The following MCCC2 variants were observed in gnomAD, a reference collection of about 807,000 sequenced individuals.
MCCC2 encodes methylcrotonyl-CoA carboxylase subunit 2.
Under a neutral mutation model 77.2 loss-of-function variants are expected in MCCC2, and 52 were observed. That is an observed-to-expected ratio of 0.67 (90% confidence interval 0.54 to 0.85). MCCC2 has a LOEUF of 0.85. Among genes scored for constraint, MCCC2 ranks in the 40% least tolerant of loss-of-function variants. The pLI is 0.00. For missense variants in MCCC2, 682 were observed against 703.2 expected (o/e 0.97, Z 0.34); for synonymous variants, 253 against 248.4 (o/e 1.02, Z -0.18).
Position 71,593,055 on chromosome 5 carries a change from C to G in MCCC2, c.196+63C>G, listed in dbSNP as rs1030649727. 3.8e-6 allele frequency: 5 copies of G among 1,325,026 alleles called. No homozygotes were observed. In the African/African-American group the frequency reaches 7.3e-5, roughly 19 times the overall value. 82.1% of individuals were successfully genotyped at this position (1,325,026 alleles called of 1,614,324 possible). On this transcript the variant is annotated intron_variant, in intron 2 of 16. Transcript: ENST00000340941. ...TTAAGATGTCCTAAAATAGTTATTG[C>G]TTTTAGGAAAAATACTGGAATTAAG...
intron 6 of MCCC2, among the ~76,000 whole-genome samples, chr5:71,624,953 C>G (rs1746489585): frequency 1.3e-5 from 2 of 152,102 alleles, no homozygotes; most frequent in Middle Eastern, 6.3e-3. Flanking sequence ...CCCCACCTCC[C>G]AAAGTGCTGG....
chr5:71,607,379 A>G (rs1485151308), intron 6 of MCCC2, among the ~76,000 whole-genome samples: 5 of 151,336 alleles, frequency 3.3e-5, no homozygotes, highest in African/African-American at 1.2e-4. Flanking sequence ...TGTTTGTAGT[A>G]TTCTCTGATG....
rs758885126 is a variant in MCCC2, at chr5:71,635,147, G to T, written c.904-4G>T. 6.8e-6 allele frequency: 11 copies of T among 1,613,912 alleles called. No homozygotes were observed. The highest frequency in any genetic ancestry group is 9.3e-6 in the Non-Finnish European group (11 of 1,179,912). On this transcript the variant is annotated splice_polypyrimidine_tract_variant and splice_region_variant and intron_variant, in intron 9 of 16. Transcript: ENST00000340941. ...ACAGGTTAACATGATCTATATTTCTGCAGGTCACCATTGAACCTTCTGAAG... is the reference window on the plus strand; with the variant it reads ...ACAGGTTAACATGATCTATATTTCTTCAGGTCACCATTGAACCTTCTGAAG...
rs555933735 is a variant in MCCC2, at chr5:71,616,110, T to C, written c.625-10530T>C. On this transcript the variant is annotated intron_variant, in intron 6 of 16. Transcript: ENST00000340941. The stretch of plus-strand genomic sequence containing the variant: ...TCCAAGTGCTAGGAAGGTGGTGCAT[T>C]CCCACTCCGCGGGGACAGAAGCTCC... 3.0e-4 allele frequency among the ~76,000 whole-genome samples: 46 copies of C among 152,336 alleles called. 1 individual carries two copies. Among genetic ancestry groups the C allele is most frequent in the Middle Eastern group, 6.8e-3 (2 of 294 alleles).
chr5:71,634,562 CA>C (rs1746851314), intron 8 of MCCC2, among the ~76,000 whole-genome samples: 1 of 152,198 alleles, frequency 6.6e-6, no homozygotes, highest in Non-Finnish European at 1.5e-5. Context: ...TGGCCTTCAT[CA>C]CACGCAATTC....
At chr5:71,596,391 A>G in intron 3 of MCCC2, 27 bp downstream of exon 3, 1 of 1,570,954 alleles carries the variant, frequency 6.4e-7, no homozygotes, top group Non-Finnish European at 8.8e-7. Context: ...GTACTGACTC[A>G]GAGTGTTCTC....
chr5:71,633,103 A>ATATATG (rs1277444335), intron 8 of MCCC2, among the ~76,000 whole-genome samples: 1 of 19,056 alleles, frequency 5.2e-5, no homozygotes, highest in Admixed American at 6.3e-4. Context: ...ATATATATAT[A>ATATATG]TATATATATA....
intron 6 of MCCC2, among the ~76,000 whole-genome samples, chr5:71,608,901 G>C (rs1176760859): frequency 6.6e-6 from 1 of 152,170 alleles, no homozygotes; most frequent in East Asian, 1.9e-4. Context: ...TTGGCCCCTA[G>C]TCTCTTCTGG....
chr5:71,636,735 CAAAT>C (rs1196121371), intron 10 of MCCC2: 1 of 151,450 alleles, frequency 6.6e-6, no homozygotes, highest in East Asian at 2.0e-4. Context: ...TAAAAATAAA[CAAAT>C]AAATAAAAGA....
chr5:71,632,111 CTTG>C lies in MCCC2; in HGVS notation c.739-5_739-3del. 2 of 1,613,776 alleles carry C rather than the reference CTTG, an allele frequency of 1.2e-6. No homozygotes were observed. The highest frequency in any genetic ancestry group is 2.2e-5 in the East Asian group (1 of 44,874). On this transcript the variant is annotated splice_region_variant and splice_polypyrimidine_tract_variant and intron_variant, in intron 7 of 16. Coordinates refer to ENST00000340941, the MANE Select transcript of MCCC2 (RefSeq NM_022132.5). ...ACCGATTTCACTGATGATTTTTATC[CTTG>C]TTGTAGGTTAAAGCGGCAACTGGGG...
intron 6 of MCCC2, among the ~76,000 whole-genome samples, chr5:71,613,920 A>G (rs1746059917): frequency 6.6e-6 from 1 of 151,472 alleles, no homozygotes; most frequent in East Asian, 1.9e-4. Context: ...TCAATATATG[A>G]TAACAGAAAT....
intron 16 of MCCC2, among the ~76,000 whole-genome samples, chr5:71,656,224 A>G (rs1387976770): frequency 6.6e-6 from 1 of 152,128 alleles, no homozygotes; most frequent in Non-Finnish European, 1.5e-5. Flanking sequence ...CATCTCAAAA[A>G]TAATAATAAT....
At chr5:71,650,389 A>C (rs1580332623) in intron 15 of MCCC2, among the ~76,000 whole-genome samples, 1 of 152,216 alleles carries the variant, frequency 6.6e-6, no homozygotes, top group East Asian at 1.9e-4. Context: ...AAGCCATTTC[A>C]TTTGGGGTAC....
At chr5:71,592,879 T>A in intron 1 of MCCC2, 47 bp from the exon 2 acceptor site, 3 of 1,287,478 alleles carry the variant, frequency 2.3e-6, no homozygotes, top group Non-Finnish European at 3.4e-6. Flanking sequence ...TAAAAAGGAA[T>A]TGCTTTCTAA....
chr5:71,626,925 T>C (rs1031381133), intron 7 of MCCC2, among the ~76,000 whole-genome samples, 172 bp downstream of exon 7: 1 of 152,240 alleles, frequency 6.6e-6, no homozygotes, highest in Non-Finnish European at 1.5e-5. Flanking sequence ...TATGTTCATA[T>C]TGTTGTGCAA....
At chr5:71,643,370 G>A (rs776046428) in intron 11 of MCCC2, among the ~76,000 whole-genome samples, 4 of 152,134 alleles carry the variant, frequency 2.6e-5, no homozygotes, top group Non-Finnish European at 5.9e-5. Flanking sequence ...CTAGGCAACA[G>A]AGTGAGACCT....
chr5:71,633,366 A>G (rs963814297), intron 8 of MCCC2, among the ~76,000 whole-genome samples: 2 of 151,892 alleles, frequency 1.3e-5, no homozygotes, highest in East Asian at 1.9e-4. Flanking sequence ...TGCCTCCCCT[A>G]TTCCCCTTGG....
rs1746866603 is a variant in MCCC2, at chr5:71,634,973, G to C, written c.834G>C (p.Leu278Phe). 3 of 1,613,954 alleles carry C rather than the reference G, an allele frequency of 1.9e-6. No homozygotes were observed. The highest frequency in any genetic ancestry group is 1.7e-5 in the Admixed American group (1 of 59,998). The change falls in exon 9 of 17, where the codon TTG becomes TTC. Residue 278 changes from leucine (L) to phenylalanine (F), a missense_variant. Coordinates refer to ENST00000340941, the MANE Select transcript of MCCC2 (RefSeq NM_022132.5). The part of the protein sequence containing the change: ...RKSGVSDHWA[L>F]DDHHALHLTR... ...CTGGAGTAAGTGACCACTGGGCTTT[G>C]GATGATCATCATGCCCTTCACTTAA...
chr5:71,590,113 C>G (rs1468623838), intron 1 of MCCC2, among the ~76,000 whole-genome samples: 2 of 151,268 alleles, frequency 1.3e-5, no homozygotes, highest in African/African-American at 4.8e-5. Context: ...GATTAAAACA[C>G]ACACACACAC....
Sources: gnomAD v4.1 joint callset for allele counts (sites outside exome capture counted in the v4.1 genomes callset) on GRCh38, gnomAD v4.1.1 for gene constraint, MANE v1.5 for transcripts, NCBI Gene and HGNC (gene_info 2026-07-23, HGNC 2026-07-21) for gene names.